The following SYNPR variants were observed in gnomAD, a reference collection of about 807,000 sequenced individuals.
SYNPR encodes the protein synaptoporin.
A neutral mutation model predicts 32.9 loss-of-function variants in SYNPR; 23 were observed. That is an observed-to-expected ratio of 0.70 (90% CI 0.50 to 0.99). The LOEUF is 0.99. SYNPR is among the 50% of genes least tolerant of loss of function. SYNPR has a pLI of 0.00. For missense variants in SYNPR, 318 were observed against 349.3 expected, an observed-to-expected ratio of 0.91 and a Z score of 0.71; for synonymous variants, 146 against 135.9, an observed-to-expected ratio of 1.07 and a Z score of -0.52.
chr3:63,448,068 A>G (rs1700310953), intron 2 of SYNPR, among the ~76,000 whole-genome samples: 1 of 152,068 alleles, frequency 6.6e-6, no homozygotes, highest in South Asian at 2.1e-4. Flanking sequence ...CAGTGGTGCA[A>G]TCTCAGCCCA....
intron 2 of SYNPR, among the ~76,000 whole-genome samples, chr3:63,325,380 T>C (rs1206747632): frequency 6.6e-6 from 1 of 152,134 alleles, no homozygotes; most frequent in East Asian, 1.9e-4. Context: ...ACAACCTACC[T>C]AGTGGTCAGA....
intron 3 of SYNPR, among the ~76,000 whole-genome samples, chr3:63,545,934 G>A (rs1702394285): frequency 6.6e-6 from 1 of 152,026 alleles, no homozygotes; most frequent in African/African-American, 2.4e-5. Flanking sequence ...GTCTATTCCT[G>A]ATACATTTCT....
chr3:63,398,174 A>T (rs2088241907), intron 2 of SYNPR, among the ~76,000 whole-genome samples: 1 of 152,158 alleles, frequency 6.6e-6, no homozygotes, highest in African/African-American at 2.4e-5. Context: ...AATGAAGTCA[A>T]CTCCTAAATT....
chr3:63,556,582 A>G lies in SYNPR; in HGVS notation c.249A>G (p.Gly83=), dbSNP rs767705932. 12 of 1,613,550 alleles carry G rather than the reference A, an allele frequency of 7.4e-6. No individual in the cohort carries two copies. The highest frequency in any genetic ancestry group is 1.0e-5 in the Non-Finnish European group (12 of 1,179,650). Residue 83 remains glycine (G), a synonymous_variant, in exon 4 of 6, where the codon GGA becomes GGG. Transcript: ENST00000478300. ...QVTFEVPTCE[G]KERQKLALIG... is the part of the protein sequence containing the mutation. ...CGTTTGAGGTGCCCACCTGCGAGGGAAAGGAACGGCAGAAGCTGGCATTGA... is the reference window on the plus strand; with the variant it reads ...CGTTTGAGGTGCCCACCTGCGAGGGGAAGGAACGGCAGAAGCTGGCATTGA...
intron 3 of SYNPR, 100 bp downstream of exon 3, chr3:63,481,056 T>C (rs1701037507): frequency 6.8e-7 from 1 of 1,475,944 alleles, no homozygotes; most frequent in Non-Finnish European, 9.1e-7. Context: ...GACTTCTGGG[T>C]AAACAGAAAG....
Position 63,299,277 on chromosome 3 carries a change from GT to G in SYNPR, c.84+20543del, listed in dbSNP as rs578112647. Among the ~76,000 whole-genome samples, 353 of 151,826 alleles carry G rather than the reference GT, an allele frequency of 2.3e-3. 2 individuals are homozygous for G. Among genetic ancestry groups the G allele is most frequent in the African/African-American group, 7.8e-3 (324 of 41,424 alleles). The stretch of plus-strand genomic sequence containing the variant: ...CTGGAAGCTGGAAAACTAGAGAAGA[GT>G]TTTTTTTAGCATCATTATTCCAGCC... On this transcript the variant is annotated intron_variant, in intron 2 of 5. Transcript: ENST00000478300.
At chr3:63,446,921 A>G (rs1415585956) in intron 2 of SYNPR, among the ~76,000 whole-genome samples, 1 of 152,196 alleles carries the variant, frequency 6.6e-6, no homozygotes, top group Admixed American at 6.5e-5. Context: ...AAAAAAGTTC[A>G]GAGTGCAGTA....
intron 3 of SYNPR, among the ~76,000 whole-genome samples, chr3:63,530,431 C>G (rs1041298309): frequency 6.6e-6 from 1 of 152,124 alleles, no homozygotes; most frequent in Non-Finnish European, 1.5e-5. Context: ...TCTATCTTCA[C>G]TGGAAGGTTC....
Position 63,342,645 on chromosome 3 carries a change from T to A in SYNPR, c.84+63903T>A, listed in dbSNP as rs144755028. Among the ~76,000 whole-genome samples the A allele has an allele frequency of 2.4e-3, 359 of 152,348 alleles. 5 individuals carry two copies. Among genetic ancestry groups the A allele is most frequent in the African/African-American group, 8.3e-3 (346 of 41,576 alleles). ...TGGCCTCATAAAATGAGTTGGAAAG[T>A]GTTCCCTCCTCTGCTATTTTCTGGA... On this transcript the variant is annotated intron_variant, in intron 2 of 5. Coordinates refer to ENST00000478300, the MANE Select transcript of SYNPR (RefSeq NM_001130003.2).
chr3:63,373,719 C>T (rs778138625), intron 2 of SYNPR, among the ~76,000 whole-genome samples: 1 of 151,992 alleles, frequency 6.6e-6, no homozygotes, highest in Non-Finnish European at 1.5e-5. Context: ...ATTAAGGAAA[C>T]ACAGAGAACC....
chr3:63,608,145 A>G (rs1186047708), intron 4 of SYNPR, among the ~76,000 whole-genome samples: 2 of 152,152 alleles, frequency 1.3e-5, no homozygotes, highest in East Asian at 3.8e-4. Flanking sequence ...TCTAAATCTT[A>G]GACAGTCTCT....
chr3:63,601,765 C>T (rs543593604), intron 4 of SYNPR, among the ~76,000 whole-genome samples: 5 of 152,200 alleles, frequency 3.3e-5, no homozygotes, highest in Admixed American at 6.5e-5. Context: ...CATGTCTTTG[C>T]TATTGTGAAT....
chr3:63,220,213 G>A, the SYNPR span, among the ~76,000 whole-genome samples: 1 of 152,260 alleles, frequency 6.6e-6, no homozygotes, highest in South Asian at 2.1e-4. Context: ...GGTTAGAGGT[G>A]ACAAAACATA....
chr3:63,208,435 A>G, the SYNPR span, among the ~76,000 whole-genome samples: 1 of 152,136 alleles, frequency 6.6e-6, no homozygotes, highest in Non-Finnish European at 1.5e-5. Context: ...TGGGGCACAT[A>G]TGGTCTTCTA....
At chr3:63,336,519 C>CAAAAAAAAAAAAAAAA (rs3082131) in intron 2 of SYNPR, among the ~76,000 whole-genome samples, 4 of 48,840 alleles carry the variant, frequency 8.2e-5, no homozygotes, top group East Asian at 8.4e-4. Flanking sequence ...CATTCCCATG[C>CAAAAAAAAAAAAAAAA]AAAAAAAAAA....
Position 63,592,445 on chromosome 3 carries a change from A to C in SYNPR, c.409-16680A>C, listed in dbSNP as rs1699852734. ...AATGACCGAGGAAAAGATGACAAAAAAACTGAGGATACAATAAAATCAGAA... is the reference window on the plus strand; with the variant it reads ...AATGACCGAGGAAAAGATGACAAAACAACTGAGGATACAATAAAATCAGAA... On this transcript the variant is annotated intron_variant, in intron 4 of 5. Transcript: ENST00000478300. Among the ~76,000 whole-genome samples the C allele has an allele frequency of 2.6e-5, 4 of 152,230 alleles. No homozygotes were observed. The South Asian group carries it at 6.2e-4, about 24-fold the overall frequency.
chr3:63,350,186 G>A (rs1390748591), intron 2 of SYNPR, among the ~76,000 whole-genome samples: 1 of 151,070 alleles, frequency 6.6e-6, no homozygotes, highest in Non-Finnish European at 1.5e-5. Context: ...AAGGGGAAGG[G>A]AAAACAGGTA....
At chr3:63,596,987 A>ATACTATGAT (rs1699971918) in intron 4 of SYNPR, among the ~76,000 whole-genome samples, 1 of 152,188 alleles carries the variant, frequency 6.6e-6, no homozygotes, top group Admixed American at 6.5e-5. Flanking sequence ...AGTATCAAAA[A>ATACTATGAT]AGTAAAATGG....
intron 2 of SYNPR, among the ~76,000 whole-genome samples, chr3:63,464,919 G>C (rs1700649910): frequency 6.6e-6 from 1 of 152,162 alleles, no homozygotes; most frequent in Non-Finnish European, 1.5e-5. Flanking sequence ...AGAATCACTA[G>C]ATGGCTCCAT....
Sources: allele counts gnomAD v4.1 joint callset (sites outside exome capture counted in the v4.1 genomes callset), GRCh38; gene constraint gnomAD v4.1.1; transcripts MANE v1.5; gene names NCBI Gene and HGNC (gene_info 2026-07-23, HGNC 2026-07-21).